ITPK1: variants seen among roughly 807,000 people sequenced by gnomAD.
The protein encoded by ITPK1 is inositol 1,3,4-trisphosphate 5/6-kinase.
In ITPK1, 21 loss-of-function variants were observed where a neutral mutation model predicts 45.3. The observed-to-expected ratio is 0.46, with a 90% CI of 0.33 to 0.67. ITPK1 has a LOEUF of 0.67. Among genes scored for constraint, ITPK1 ranks in the 30% least tolerant of loss-of-function variants. ITPK1 has a pLI of 0.02. For missense variants in ITPK1, 474 were observed against 573.5 expected, an observed-to-expected ratio of 0.83 and a Z score of 1.77; for synonymous variants, 258 against 253.6, an observed-to-expected ratio of 1.02 and a Z score of -0.16.
rs970110281 is a variant in ITPK1 at position 92,940,111 on chromosome 14, C to A, written c.*1450G>T. ...CTCCCTCCTCAAAGTGGGCATCCTG[C>A]AGCCCAGCTGAGCCAGGCCGAAGGA... On this transcript the variant is annotated 3_prime_UTR_variant, in exon 11 of 11. Coordinates refer to ENST00000267615, the MANE Select transcript of ITPK1 (RefSeq NM_014216.6). The A allele has an allele frequency of 4.7e-5, 46 of 985,718 alleles. No homozygotes were observed. Among genetic ancestry groups the A allele is most frequent in the Non-Finnish European group, 5.2e-5 (43 of 830,054 alleles). The allele number at this position is 985,718 out of a possible 1,614,324, so 61.1% of individuals were successfully genotyped here. A position where few individuals can be genotyped will look rare whatever the true frequency, so the allele number is the denominator to read the frequency against.
At chr14:93,006,678 A>G (rs1273381685) in intron 4 of ITPK1, among the ~76,000 whole-genome samples, 1 of 150,980 alleles carries the variant, frequency 6.6e-6, no homozygotes, top group Non-Finnish European at 1.5e-5. Flanking sequence ...GAGAAACCAC[A>G]GGCTCTCTGG....
chr14:93,115,156 G>T lies in ITPK1; in HGVS notation c.8C>A (p.Thr3Asn). The change falls in exon 2 of 11, where the codon ACC (threonine) becomes AAC (asparagine). Residue 3 changes from threonine to asparagine, a missense_variant. This residue lies in a region of ITPK1 where 367 missense variants were observed against 480.6 expected (regional missense o/e 0.76). Coordinates refer to ENST00000267615, the MANE Select transcript of ITPK1 (RefSeq NM_014216.6). ...GCCAACTCTCTTCCCTTTCAGAAAG[G>T]TCTGCATCTTCCTCCTCGGGCGGGG... MQ[T>N]FLKGKRVGYW... 6.2e-7 allele frequency: 1 copy of T among 1,603,854 alleles called. No homozygotes were observed. The highest frequency in any genetic ancestry group is 1.1e-5 in the South Asian group (1 of 90,042).
chr14:93,060,361 G>T (rs535766138), intron 3 of ITPK1, among the ~76,000 whole-genome samples: 4 of 152,178 alleles, frequency 2.6e-5, no homozygotes, highest in African/African-American at 9.7e-5. Flanking sequence ...AATATGAAGA[G>T]GAACACGTTC....
At chr14:93,072,788 G>A (rs1030462837) in intron 3 of ITPK1, among the ~76,000 whole-genome samples, 1 of 152,094 alleles carries the variant, frequency 6.6e-6, no homozygotes, top group Middle Eastern at 3.4e-3. Context: ...TTGTGGTTGG[G>A]GGGGAACCCT....
chr14:92,971,116 C>T (rs564058211), intron 5 of ITPK1, among the ~76,000 whole-genome samples: 3 of 152,282 alleles, frequency 2.0e-5, no homozygotes, highest in African/African-American at 7.2e-5. Context: ...CACCTGGGAG[C>T]AGCCCCCTTG....
chr14:93,060,139 T>C (rs1381189129), intron 3 of ITPK1, among the ~76,000 whole-genome samples: 2 of 152,078 alleles, frequency 1.3e-5, no homozygotes, highest in African/African-American at 2.4e-5. Flanking sequence ...TGTGGCTTGC[T>C]ATGACTACCA....
In ITPK1 at chr14:93,032,909, T is replaced by G. The variant is rs927756022; in HGVS notation, c.121-16108A>C. On this transcript the variant is annotated intron_variant, in intron 3 of 10. Transcript: ENST00000267615. The surrounding 1 kb of genome is among the most constrained non-coding windows in gnomAD (Gnocchi z 4.0). ...ACCCTGCAAAGCCAGCCCTTTTCTC[T>G]AGGGGGTGAGCCCTTTAGCAAAGGA... 6.6e-6 allele frequency among the ~76,000 whole-genome samples: 1 copy of G among 152,222 alleles called. No individual in the cohort carries two copies. Among genetic ancestry groups the G allele is most frequent in the Non-Finnish European group, 1.5e-5 (1 of 68,034 alleles).
At chr14:93,017,892 T>G (rs1008470614) in intron 3 of ITPK1, among the ~76,000 whole-genome samples, 5 of 152,234 alleles carry the variant, frequency 3.3e-5, no homozygotes, top group Admixed American at 2.0e-4. Context: ...ACAACCACTA[T>G]GAGAAGTGAT....
chr14:92,997,331 G>A (rs1362502666), intron 4 of ITPK1, among the ~76,000 whole-genome samples: 1 of 152,214 alleles, frequency 6.6e-6, no homozygotes, highest in Non-Finnish European at 1.5e-5. Context: ...GATTCATTAA[G>A]ACATGAAGTT....
intron 8 of ITPK1, among the ~76,000 whole-genome samples, chr14:92,955,019 G>A (rs190992828): frequency 1.3e-5 from 2 of 152,306 alleles, no homozygotes; most frequent in South Asian, 4.1e-4. Context: ...CAGGAAGCTG[G>A]GTGCCTGCCT....
Position 92,940,898 on chromosome 14 carries a change from G to A in ITPK1, c.*663C>T. On this transcript the variant is annotated 3_prime_UTR_variant, in exon 11 of 11. Coordinates refer to ENST00000267615, the MANE Select transcript of ITPK1 (RefSeq NM_014216.6). ...GGGCTAAATGGGACGTGTGTTGGGG[G>A]GCCCAGAGGACGCCCAGCTTCCTTT... is the stretch of plus-strand genomic sequence containing the variant. 2.3e-6 allele frequency: 3 copies of A among 1,288,388 alleles called. No individual in the cohort carries two copies. Among genetic ancestry groups the A allele is most frequent in the Non-Finnish European group, 3.0e-6 (3 of 988,776 alleles). 79.8% of individuals were successfully genotyped at this position (1,288,388 alleles called of 1,614,324 possible). A position where few individuals can be genotyped will look rare whatever the true frequency, so the allele number is the denominator to read the frequency against.
Position 92,939,611 on chromosome 14 carries a change from A to G in ITPK1, c.*1950T>C. 1 of 594,252 alleles carries G rather than the reference A, an allele frequency of 1.7e-6. No homozygotes were observed. Among genetic ancestry groups the G allele is most frequent in the Non-Finnish European group, 2.1e-6 (1 of 475,768 alleles). The allele number at this position is 594,252 out of a possible 1,614,324, so 36.8% of individuals were successfully genotyped here. Reference sequence around the variant, plus strand: ...CAGCCCCGCCCCCGCCCCACCACGGAGGCCTATGGACGCCACCACGACACC... The same window carrying G: ...CAGCCCCGCCCCCGCCCCACCACGGGGGCCTATGGACGCCACCACGACACC... On this transcript the variant is annotated 3_prime_UTR_variant, in exon 11 of 11. Transcript: ENST00000267615.
chr14:93,009,776 C>T (rs1887800171), intron 4 of ITPK1, among the ~76,000 whole-genome samples: 1 of 152,230 alleles, frequency 6.6e-6, no homozygotes, highest in Non-Finnish European at 1.5e-5. Flanking sequence ...CTCATCGTCA[C>T]ACGGCACCAG....
chr14:93,074,451 C>T (rs1479172188), intron 3 of ITPK1, among the ~76,000 whole-genome samples: 1 of 152,230 alleles, frequency 6.6e-6, no homozygotes, highest in African/African-American at 2.4e-5. Context: ...ATCCTCTCCT[C>T]GAGCGGTGGG....
intron 3 of ITPK1, among the ~76,000 whole-genome samples, chr14:93,027,873 G>T (rs909806478): frequency 6.6e-6 from 1 of 152,200 alleles, no homozygotes; most frequent in Admixed American, 6.5e-5. Flanking sequence ...CCTGCTCTCA[G>T]TGCCCAAGGA....
chr14:93,098,988 A>C (rs1892200319), intron 2 of ITPK1, among the ~76,000 whole-genome samples: 1 of 152,136 alleles, frequency 6.6e-6, no homozygotes, highest in Non-Finnish European at 1.5e-5. Context: ...GTCACCCTGC[A>C]CTTCTCCCAA....
intron 5 of ITPK1, among the ~76,000 whole-genome samples, chr14:92,984,585 T>C (rs1886406244): frequency 6.6e-6 from 1 of 152,238 alleles, no homozygotes; most frequent in African/African-American, 2.4e-5. Context: ...ATTAACACAT[T>C]ACTAAGGCTC....
intron 2 of ITPK1, among the ~76,000 whole-genome samples, chr14:93,103,181 C>T (rs1389914106): frequency 6.6e-6 from 1 of 151,448 alleles, no homozygotes; most frequent in Non-Finnish European, 1.5e-5. Flanking sequence ...GTAATCCCAG[C>T]ACTTTGGGAG....
At chr14:93,017,469 G>C (rs1270366059) in intron 3 of ITPK1, among the ~76,000 whole-genome samples, 1 of 152,234 alleles carries the variant, frequency 6.6e-6, no homozygotes, top group East Asian at 1.9e-4. Flanking sequence ...GCAAGTGCCT[G>C]AGGTTGGGAA....
Sources: allele counts gnomAD v4.1 joint callset (sites outside exome capture counted in the v4.1 genomes callset), GRCh38; gene constraint gnomAD v4.1.1; regional missense constraint gnomAD v4.1.1; non-coding constraint Gnocchi (gnomAD v3.1); transcripts MANE v1.5; gene names NCBI Gene and HGNC (gene_info 2026-07-23, HGNC 2026-07-21).